The following TMEM132B variants were observed in gnomAD, a reference collection of about 807,000 sequenced individuals.
TMEM132B encodes the protein transmembrane protein 132B.
Under a neutral mutation model 90.8 loss-of-function variants are expected in TMEM132B, and 18 were observed. That is an observed-to-expected ratio of 0.20 (90% CI 0.14 to 0.29). TMEM132B has a LOEUF of 0.29. Among genes scored for constraint, TMEM132B ranks in the 10% least tolerant of loss-of-function variants. The pLI is 1.00. For missense variants in TMEM132B, 1,096 were observed against 1,326.8 expected (o/e 0.83, Z 2.70); for synonymous variants, 504 against 523.3 (o/e 0.96, Z 0.50).
intron 3 of TMEM132B, among the ~76,000 whole-genome samples, chr12:125,416,124 C>A (rs1315330772): frequency 6.6e-6 from 1 of 152,180 alleles, no homozygotes; most frequent in Non-Finnish European, 1.5e-5. Flanking sequence ...TGGAAGGCGG[C>A]CTGTCTTCTC....
At chr12:125,430,672 A>T (rs1880473988) in intron 3 of TMEM132B, among the ~76,000 whole-genome samples, 1 of 152,212 alleles carries the variant, frequency 6.6e-6, no homozygotes, top group Admixed American at 6.5e-5. Context: ...TCAGTTCAGC[A>T]GATGTCTATC....
At chr12:125,287,894 G>A in intron 1 of TMEM132B, among the ~76,000 whole-genome samples, 1 of 151,998 alleles carries the variant, frequency 6.6e-6, no homozygotes. Context: ...TTGAGACAGT[G>A]TCTCACTCTG....
chr12:125,589,694 C>T (rs928122089), intron 5 of TMEM132B, among the ~76,000 whole-genome samples: 1 of 151,972 alleles, frequency 6.6e-6, no homozygotes, highest in Admixed American at 6.5e-5. Flanking sequence ...GCAAGCAGGG[C>T]AGAGGAAGGT....
At chr12:125,602,643 G>T (rs934302140) in intron 5 of TMEM132B, among the ~76,000 whole-genome samples, 3 of 152,134 alleles carry the variant, frequency 2.0e-5, no homozygotes, top group Non-Finnish European at 4.4e-5. Context: ...GAAATAAAGC[G>T]TATTCAAATA....
At chr12:125,606,459 T>G (rs1274826244) in intron 5 of TMEM132B, among the ~76,000 whole-genome samples, 2 of 152,172 alleles carry the variant, frequency 1.3e-5, no homozygotes, top group Non-Finnish European at 2.9e-5. Flanking sequence ...CTAGCTACTA[T>G]GTAGATAATG....
At chr12:125,210,275 A>C (rs1419723172) in intron 1 of TMEM132B, among the ~76,000 whole-genome samples, 2 of 152,134 alleles carry the variant, frequency 1.3e-5, no homozygotes, top group African/African-American at 2.4e-5. Flanking sequence ...GGCAAATTGC[A>C]GGGCTATCTG....
intron 2 of TMEM132B, among the ~76,000 whole-genome samples, chr12:125,364,422 A>G (rs1878061703): frequency 6.6e-6 from 1 of 152,204 alleles, no homozygotes; most frequent in Admixed American, 6.5e-5. Flanking sequence ...CTACATATCT[A>G]TCAATCTATC....
In TMEM132B at chr12:125,516,080, C is replaced by A. The variant is rs565943781; in HGVS notation, c.1107-3359C>A. ...TCACATATACTCACACACACTCTCACGCTATCTCACACACACTAACACACA... is the reference window on the plus strand; with the variant it reads ...TCACATATACTCACACACACTCTCAAGCTATCTCACACACACTAACACACA... On this transcript the variant is annotated intron_variant, in intron 3 of 8. Transcript: ENST00000682704. Among the ~76,000 whole-genome samples the A allele has an allele frequency of 2.0e-5, 3 of 151,812 alleles. No individual in the cohort carries two copies. The South Asian group carries it at 6.2e-4, about 32-fold the overall frequency.
intron 3 of TMEM132B, among the ~76,000 whole-genome samples, chr12:125,481,198 A>G (rs1004155344): frequency 1.4e-4 from 21 of 152,246 alleles, no homozygotes; most frequent in Non-Finnish European, 1.5e-5. Flanking sequence ...AACTGGCACA[A>G]GACAGGATGC....
chr12:125,236,254 T>G (rs1441152670), intron 1 of TMEM132B, among the ~76,000 whole-genome samples: 1 of 152,184 alleles, frequency 6.6e-6, no homozygotes, highest in African/African-American at 2.4e-5. Flanking sequence ...CAAGTGATTC[T>G]TGTGCCTCAG....
intron 5 of TMEM132B, among the ~76,000 whole-genome samples, chr12:125,618,202 C>G (rs1348961032): frequency 6.6e-6 from 1 of 152,068 alleles, no homozygotes; most frequent in Non-Finnish European, 1.5e-5. Context: ...CTCAGCCTGC[C>G]TCTCCCAAAT....
intron 3 of TMEM132B, among the ~76,000 whole-genome samples, chr12:125,452,159 C>T (rs1156968783): frequency 6.6e-6 from 1 of 152,160 alleles, no homozygotes; most frequent in African/African-American, 2.4e-5. Context: ...CTATCTCATC[C>T]CCTGGATTCC....
rs1874219090 is a variant in TMEM132B at position 125,246,906 on chromosome 12, G to A, written c.67+60040G>A. Among the ~76,000 whole-genome samples the A allele has an allele frequency of 1.3e-5, 2 of 152,070 alleles. No homozygotes were observed. The highest frequency in any genetic ancestry group is 1.3e-4 in the Admixed American group (2 of 15,268). ...TCACATTTCCCACCGGGAGAGCCTG[G>A]GGTTTGTGGGGGAGGTGGTGGGGGT... On this transcript the variant is annotated intron_variant, in intron 1 of 8. Coordinates refer to ENST00000682704, the MANE Select transcript of TMEM132B (RefSeq NM_001366854.1). This position sits in a 1 kb window ranked among gnomAD's most constrained non-coding sequence, Gnocchi z 4.2.
chr12:125,300,061 C>T (rs1049832311), intron 1 of TMEM132B, among the ~76,000 whole-genome samples: 7 of 152,378 alleles, frequency 4.6e-5, no homozygotes, highest in South Asian at 2.1e-4. Flanking sequence ...GCTTTGCACT[C>T]GCTGTGCTTG....
chr12:125,512,849 A>G (rs1883016170), intron 3 of TMEM132B, among the ~76,000 whole-genome samples: 1 of 152,100 alleles, frequency 6.6e-6, no homozygotes, highest in African/African-American at 2.4e-5. Flanking sequence ...GATCCTGATG[A>G]AAAAAAAGGT....
chr12:125,526,994 C>G (rs1883482944), intron 4 of TMEM132B, among the ~76,000 whole-genome samples: 2 of 149,656 alleles, frequency 1.3e-5, no homozygotes, highest in South Asian at 2.2e-4. Context: ...ATCCACCCTT[C>G]TATCCAATCA....
At chr12:125,195,282 G>A (rs1872899031) in intron 1 of TMEM132B, among the ~76,000 whole-genome samples, 2 of 151,938 alleles carry the variant, frequency 1.3e-5, no homozygotes, top group Admixed American at 6.6e-5. Flanking sequence ...GGAGAGAGAC[G>A]GATACTGAAC....
rs144956690 is a variant in TMEM132B at position 125,420,408 on chromosome 12, G to A, written c.1106+4731G>A. Among the ~76,000 whole-genome samples the A allele has an allele frequency of 9.2e-3, 1,393 of 151,850 alleles. 6 individuals are homozygous for A. The highest frequency in any genetic ancestry group is 0.014 in the Non-Finnish European group (964 of 68,024). On this transcript the variant is annotated intron_variant, in intron 3 of 8. Transcript: ENST00000682704. ...ACCACATGTAAGCTGCTAAGGCTTG[G>A]GGCTGGCACCCTCTGAAGCCATGAT...
chr12:125,356,226 C>T (rs1194904586), intron 2 of TMEM132B, among the ~76,000 whole-genome samples: 3 of 152,074 alleles, frequency 2.0e-5, no homozygotes, highest in African/African-American at 7.2e-5. Flanking sequence ...ACGGTGGAGC[C>T]CAGTGGTTAA....
Sources: gnomAD v4.1 joint callset for allele counts (sites outside exome capture counted in the v4.1 genomes callset) on GRCh38, gnomAD v4.1.1 for gene constraint, Gnocchi (gnomAD v3.1) non-coding constraint, MANE v1.5 for transcripts, NCBI Gene and HGNC (gene_info 2026-07-23, HGNC 2026-07-21) for gene names.